Variants in ADGRL2 observed in about 807,000 individuals in gnomAD.
ADGRL2 encodes the protein calcium-independent alpha-latrotoxin receptor 2.
In ADGRL2, 44 loss-of-function variants were observed where a neutral mutation model predicts 157.4. That is an observed-to-expected ratio of 0.28 (90% CI 0.22 to 0.36). ADGRL2 has a LOEUF of 0.36. Among genes scored for constraint, ADGRL2 ranks in the 10% least tolerant of loss-of-function variants. The pLI is 1.00. For synonymous variants in ADGRL2, 585 were observed against 624.7 expected, an observed-to-expected ratio of 0.94 and a Z score of 0.95; for missense variants, 1,510 against 1,768.9, an observed-to-expected ratio of 0.85 and a Z score of 2.63.
At chr1:81,820,736 GAAA>G in intron 1 of ADGRL2, among the ~76,000 whole-genome samples, 1 of 147,268 alleles carries the variant, frequency 6.8e-6, no homozygotes, top group African/African-American at 2.5e-5. Flanking sequence ...CTGTCTGTCT[GAAA>G]AAAAAAAACA....
chr1:81,829,355 C>T (rs2091768828), intron 1 of ADGRL2, among the ~76,000 whole-genome samples: 1 of 152,044 alleles, frequency 6.6e-6, no homozygotes. Context: ...TGGTATATTC[C>T]TTTTCTGTAC....
In ADGRL2 at chr1:81,952,930, C is replaced by T. The variant is rs984114874; in HGVS notation, c.1795-57C>T. On this transcript the variant is annotated intron_variant, in intron 9 of 23. Transcript: ENST00000686636. ...TTAATTTTTGAGGATTTCTTCTTTC[C>T]TCATTTTCAGCAGATAAAAATCTAA... 19 of 1,368,642 alleles carry T rather than the reference C, an allele frequency of 1.4e-5. No individual in the cohort carries two copies. The African/African-American group carries it at 2.6e-4, about 19-fold the overall frequency. The allele number at this position is 1,368,642 out of a possible 1,614,324, so 84.8% of individuals were successfully genotyped here. A position where few individuals can be genotyped will look rare whatever the true frequency, so the allele number is the denominator to read the frequency against.
chr1:81,504,683 C>T (rs546810927), intron 2 of ADGRL2, among the ~76,000 whole-genome samples: 27 of 152,108 alleles, frequency 1.8e-4, no homozygotes, highest in Non-Finnish European at 2.9e-4. Context: ...GAGAGGCCCG[C>T]TCTCACACTG....
In ADGRL2 at chr1:81,943,111, C is replaced by T. The variant is rs781109858; in HGVS notation, c.552C>T (p.Thr184=). ...IYFMPWTPYR[T]DTLIEYASLE... is the part of the protein sequence containing the mutation. Reference sequence around the variant, plus strand: ...TCATGCCCTGGACTCCCTATCGTACCGATACTTTAATAGAATATGCTTCTT... The same window carrying T: ...TCATGCCCTGGACTCCCTATCGTACTGATACTTTAATAGAATATGCTTCTT... The change falls in exon 6 of 24, where the codon ACC becomes ACT. Residue 184 remains threonine, a synonymous_variant. Transcript: ENST00000686636. The surrounding 1 kb of genome is among the most constrained non-coding windows in gnomAD (Gnocchi z 5.6). 1.3e-5 allele frequency: 21 copies of T among 1,613,210 alleles called. No individual in the cohort carries two copies. The highest frequency in any genetic ancestry group is 1.1e-4 in the East Asian group (5 of 44,860).
chr1:81,618,967 A>C (rs560991210), intron 3 of ADGRL2, among the ~76,000 whole-genome samples: 1 of 152,136 alleles, frequency 6.6e-6, no homozygotes, highest in East Asian at 1.9e-4. Context: ...CTCAGAGATT[A>C]TCTCTTTTCT....
chr1:81,502,292 G>A (rs957963816), intron 2 of ADGRL2: 1 of 1,613,962 alleles, frequency 6.2e-7, no homozygotes, highest in African/African-American at 1.3e-5. Flanking sequence ...TGTCTCCACA[G>A]CAGGACAGCT....
chr1:81,772,299 T>A (rs1055378899), intron 2 of ADGRL2, among the ~76,000 whole-genome samples: 2 of 151,100 alleles, frequency 1.3e-5, no homozygotes, highest in African/African-American at 4.9e-5. Flanking sequence ...TCATTGTTAA[T>A]AACATGTAAG....
intron 3 of ADGRL2, among the ~76,000 whole-genome samples, chr1:81,918,281 T>C (rs1328633393): frequency 6.6e-6 from 1 of 152,170 alleles, no homozygotes; most frequent in African/African-American, 2.4e-5. Context: ...CATATTGCAA[T>C]TTAAATATGT....
At chr1:81,447,430 A>G (rs2077618417) in intron 2 of ADGRL2, among the ~76,000 whole-genome samples, 1 of 152,228 alleles carries the variant, frequency 6.6e-6, no homozygotes, top group Non-Finnish European at 1.5e-5. Context: ...TGTGATATAA[A>G]TAAACTTTAT....
At chr1:81,856,115 T>C (rs1310607827) in intron 2 of ADGRL2, among the ~76,000 whole-genome samples, 1 of 152,188 alleles carries the variant, frequency 6.6e-6, no homozygotes, top group African/African-American at 2.4e-5. Flanking sequence ...CACAGATGCA[T>C]AATCTGAAGC....
chr1:81,959,816 T>G (rs1654739436), intron 11 of ADGRL2, among the ~76,000 whole-genome samples: 1 of 152,206 alleles, frequency 6.6e-6, no homozygotes, highest in African/African-American at 2.4e-5. Flanking sequence ...GTTTTTTTTT[T>G]TGAGATGGAG....
chr1:81,854,410 G>A (rs539325768), intron 2 of ADGRL2, among the ~76,000 whole-genome samples: 2 of 152,242 alleles, frequency 1.3e-5, no homozygotes, highest in Non-Finnish European at 2.9e-5. Context: ...ATACTCAAAG[G>A]CAGCAACTTT....
chr1:81,593,598 C>T (rs907912666), intron 3 of ADGRL2, among the ~76,000 whole-genome samples: 2 of 152,142 alleles, frequency 1.3e-5, no homozygotes, highest in African/African-American at 2.4e-5. Flanking sequence ...TTTCAGCGTA[C>T]CTTAATTTGG....
chr1:81,519,711 C>T (rs1240654721), intron 2 of ADGRL2, among the ~76,000 whole-genome samples: 2 of 152,176 alleles, frequency 1.3e-5, no homozygotes, highest in African/African-American at 4.8e-5. Context: ...ACTGTCACCC[C>T]ATTACACAGA....
chr1:81,509,819 A>G (rs575272411), intron 2 of ADGRL2, among the ~76,000 whole-genome samples: 14 of 152,318 alleles, frequency 9.2e-5, no homozygotes, highest in African/African-American at 3.4e-4. Context: ...TGCAAACAGG[A>G]GGAACTTGTT....
At position 81,984,650 on chromosome 1, in the gene ADGRL2, C is replaced by A; in HGVS notation, c.3350C>A (p.Pro1117His). The change falls in exon 20 of 24, where the codon CCC becomes CAC. Residue 1117 changes from proline to histidine, a missense_variant. By Grantham distance (77) the Pro-to-His change is moderately conservative. This residue lies in a region of ADGRL2 where 497 missense variants were observed against 627.2 expected (regional missense o/e 0.79). Transcript: ENST00000686636. ...TGTGGAGGCCTCCCAACTGAGAGTC[C>A]CCACAGTTCAGTGAAGGCATCAACC... The part of the protein sequence containing the change: ...YCCGGLPTES[P>H]HSSVKASTTR... 6.2e-7 allele frequency: 1 copy of A among 1,612,754 alleles called. No homozygotes were observed.
At position 81,331,600 on chromosome 1, in the gene ADGRL2, A is replaced by C. The variant is rs149025199; in HGVS notation, c.-302+25091A>C. ...CTACTGGAAAATGATGTTTGACATT[A>C]AGGAAAGGTCAGGTATTGTGAGTGG... is the stretch of plus-strand genomic sequence containing the variant. On this transcript the variant is annotated intron_variant, in intron 1 of 24. Coordinates refer to the ADGRL2 transcript ENST00000370721. 2.6e-5 allele frequency among the ~76,000 whole-genome samples: 4 copies of C among 152,286 alleles called. No homozygotes were observed. In the East Asian group the frequency reaches 7.7e-4, roughly 29 times the overall value.
chr1:81,615,176 T>C (rs2148684239), intron 3 of ADGRL2, among the ~76,000 whole-genome samples: 1 of 152,264 alleles, frequency 6.6e-6, no homozygotes, highest in African/African-American at 2.4e-5. Context: ...TAAAGGATTG[T>C]AAATGCACCA....
chr1:81,851,929 T>TA (rs1319437521), intron 2 of ADGRL2, among the ~76,000 whole-genome samples: 2 of 151,970 alleles, frequency 1.3e-5, no homozygotes, highest in East Asian at 1.9e-4. Flanking sequence ...AGGATTTTTT[T>TA]TATATATTAA....
Sources: gnomAD v4.1 joint callset for allele counts (sites outside exome capture counted in the v4.1 genomes callset) on GRCh38, gnomAD v4.1.1 for gene constraint, gnomAD v4.1.1 regional missense constraint, Gnocchi (gnomAD v3.1) non-coding constraint, MANE v1.5 for transcripts, NCBI Gene and HGNC (gene_info 2026-07-23, HGNC 2026-07-21) for gene names.